Variants in SHTN1 observed in about 807,000 individuals in gnomAD.
The protein encoded by SHTN1 is shootin 1.
SHTN1 carries 42 observed loss-of-function variants against 83.1 expected under a neutral mutation model. The ratio of observed to expected loss-of-function variants is 0.51; its 90% CI spans 0.39 to 0.65. The LOEUF (loss-of-function observed/expected upper bound fraction) is 0.65. Ranked by LOEUF, SHTN1 falls within the 30% of genes least tolerant of loss-of-function variation. The pLI is 0.00. For missense variants in SHTN1, 622 were observed against 737.8 expected, an observed-to-expected ratio of 0.84 and a Z score of 1.82; for synonymous variants, 224 against 247.7, an observed-to-expected ratio of 0.90 and a Z score of 0.90.
At chr10:116,896,409 T>C (rs3740581) in intron 16 of SHTN1, among the ~76,000 whole-genome samples, 1 of 152,312 alleles carries the variant, frequency 6.6e-6, no homozygotes, top group East Asian at 1.9e-4. Flanking sequence ...CTAGTCAACC[T>C]AGCTGGGGTG....
In SHTN1 at chr10:116,940,490, T is replaced by C; in HGVS notation, c.834A>G (p.Glu278=). 6.2e-7 allele frequency: 1 copy of C among 1,614,036 alleles called. No homozygotes were observed. Among genetic ancestry groups the C allele is most frequent in the Non-Finnish European group, 8.5e-7 (1 of 1,179,912 alleles). The change falls in exon 9 of 17, where the codon GAA becomes GAG. Residue 278 remains glutamate (E), a synonymous_variant. Transcript: ENST00000355371. ...CCTTTTGTTGATGCTGAATTCTCTCTTCTTCAAGTTGCTGGGTGAGTTTTG... is the reference window on the plus strand; with the variant it reads ...CCTTTTGTTGATGCTGAATTCTCTCCTCTTCAAGTTGCTGGGTGAGTTTTG... ...ENAKLTQQLE[E]ERIQHQQKVK...
intron 2 of SHTN1, among the ~76,000 whole-genome samples, chr10:117,041,979 G>C (rs1008896862): frequency 7.2e-5 from 11 of 152,264 alleles, no homozygotes; most frequent in Admixed American, 3.3e-4. Context: ...TTAGCTACTT[G>C]TCAGAACTGC....
chr10:117,009,119 A>G (rs563299318), upstream of SHTN1, among the ~76,000 whole-genome samples: 15 of 152,286 alleles, frequency 9.8e-5, no homozygotes, highest in Middle Eastern at 6.8e-3. Context: ...CTGTCTCAAA[A>G]AAAAGAAAAG....
At chr10:116,981,780 C>T (rs891947710) in intron 1 of SHTN1, among the ~76,000 whole-genome samples, 4 of 152,050 alleles carry the variant, frequency 2.6e-5, no homozygotes, top group Admixed American at 1.3e-4. Context: ...TGATCTCAGC[C>T]GGGTGCGGTG....
At chr10:117,103,530 C>CTTTTTTTTT (rs35229163) in intron 1 of SHTN1, among the ~76,000 whole-genome samples, 6 of 77,542 alleles carry the variant, frequency 7.7e-5, no homozygotes, top group East Asian at 4.7e-4. Flanking sequence ...CCTCCCCTCT[C>CTTTTTTTTT]TTTTTTTTTT....
intron 4 of SHTN1, among the ~76,000 whole-genome samples, chr10:116,956,077 A>G (rs1401948293): frequency 6.6e-6 from 1 of 152,242 alleles, no homozygotes; most frequent in East Asian, 1.9e-4. Flanking sequence ...ACATCAATTT[A>G]AGGAAAAAGT....
intron 16 of SHTN1, among the ~76,000 whole-genome samples, 196 bp from the exon 17 acceptor site, chr10:116,886,762 CA>C (rs1168886077): frequency 2.0e-5 from 3 of 152,170 alleles, no homozygotes; most frequent in African/African-American, 4.8e-5. Context: ...ACTAGGAGCA[CA>C]AGGCCAGAAG....
intron 4 of SHTN1, among the ~76,000 whole-genome samples, chr10:116,957,540 C>T (rs1850029384): frequency 6.6e-6 from 1 of 151,634 alleles, no homozygotes. Context: ...AGGCGTGAGC[C>T]ACCGTGCCCA....
chr10:117,040,374 C>A (rs942042941), intron 2 of SHTN1, among the ~76,000 whole-genome samples: 4 of 152,050 alleles, frequency 2.6e-5, no homozygotes, highest in Non-Finnish European at 5.9e-5. Context: ...ACATAATAGT[C>A]AACTAATTTA....
chr10:116,903,701 G>A (rs1847844346), intron 15 of SHTN1, among the ~76,000 whole-genome samples: 1 of 152,054 alleles, frequency 6.6e-6, no homozygotes, highest in Admixed American at 6.6e-5. Context: ...TCTGCCCTTG[G>A]GTAAGCGTTG....
intron 3 of SHTN1, 111 bp from the exon 4 acceptor site, chr10:116,960,341 C>A: frequency 1.7e-6 from 1 of 605,684 alleles, no homozygotes; most frequent in Non-Finnish European, 2.9e-6. Flanking sequence ...GCTAGCCAGA[C>A]CTTTAGCTAT....
At position 116,882,924 on chromosome 10, in the gene SHTN1, A is replaced by T. The variant is rs1457344403; in HGVS notation, c.*3420T>A. On this transcript the variant is annotated 3_prime_UTR_variant, in exon 17 of 17. Transcript: ENST00000355371. ...GAAACTGGAAGGAAAATTCATTTGA[A>T]AGGCAGAACAAACATGACTGGGTGT... 1.3e-5 allele frequency: 2 copies of T among 151,886 alleles called. No homozygotes were observed. The highest frequency in any genetic ancestry group is 2.9e-5 in the Non-Finnish European group (2 of 67,992). The allele number at this position is 151,886 out of a possible 1,614,324, so 9.4% of individuals were successfully genotyped here. A position where few individuals can be genotyped will look rare whatever the true frequency, so the allele number is the denominator to read the frequency against.
chr10:116,893,907 CA>C (rs1847427128), intron 16 of SHTN1, among the ~76,000 whole-genome samples: 1 of 151,966 alleles, frequency 6.6e-6, no homozygotes, highest in African/African-American at 2.4e-5. Context: ...AGAAAGTAAA[CA>C]AAATAAAATA....
chr10:117,019,431 A>C lies in SHTN1; in HGVS notation c.-123+29014T>G, dbSNP rs1350909072. ...ACTCCTGGGCTCAGGCAATCCTCCT[A>C]CTTTGGCCTCTCAAAGTGCTGGGAT... On this transcript the variant is annotated intron_variant, in intron 2 of 17. Transcript: ENST00000392901. 5.9e-5 allele frequency among the ~76,000 whole-genome samples: 9 copies of C among 152,070 alleles called. No individual in the cohort carries two copies. The South Asian group carries it at 1.9e-3, about 32-fold the overall frequency.
At chr10:116,902,099 T>C (rs2133325500) in intron 15 of SHTN1, 142 bp from the exon 16 acceptor site, 3 of 718,026 alleles carry the variant, frequency 4.2e-6, no homozygotes, top group Non-Finnish European at 6.6e-6. Flanking sequence ...CTGGAAAATG[T>C]TGTTGGAAAT....
intron 2 of SHTN1, among the ~76,000 whole-genome samples, chr10:117,013,938 T>C (rs1852144001): frequency 6.6e-6 from 1 of 152,154 alleles, no homozygotes; most frequent in African/African-American, 2.4e-5. Context: ...ATATTTTTTT[T>C]CCATAAAATG....
intron 9 of SHTN1, among the ~76,000 whole-genome samples, chr10:116,939,254 G>C (rs1849278737): frequency 6.6e-6 from 1 of 152,178 alleles, no homozygotes. Flanking sequence ...CTGCCCAAAT[G>C]GCCACCCAGT....
chr10:116,997,457 C>T (rs746170310), intron 1 of SHTN1, among the ~76,000 whole-genome samples: 1 of 152,194 alleles, frequency 6.6e-6, no homozygotes, highest in African/African-American at 2.4e-5. Context: ...ATCCTTAAGG[C>T]ATCTCTTGAC....
At chr10:117,048,398 C>T (rs918346321) in intron 2 of SHTN1, 1 of 739,760 alleles carries the variant, frequency 1.4e-6, no homozygotes, top group Non-Finnish European at 1.7e-6. Context: ...ATTCATTTTA[C>T]AACCTTCCCA....
Sources: gnomAD v4.1 joint callset for allele counts (sites outside exome capture counted in the v4.1 genomes callset) on GRCh38, gnomAD v4.1.1 for gene constraint, MANE v1.5 for transcripts, NCBI Gene and HGNC (gene_info 2026-07-23, HGNC 2026-07-21) for gene names.